Variants in SWT1 observed in about 807,000 individuals in gnomAD.
The protein encoded by SWT1 is SWT1 RNA endoribonuclease homolog, also known as transcriptional protein SWT1.
SWT1 carries 33 observed loss-of-function variants against 107.3 expected under a neutral mutation model. The observed-to-expected ratio is 0.31, with a 90% CI of 0.23 to 0.41. The LOEUF (loss-of-function observed/expected upper bound fraction) is 0.41. Ranked by LOEUF, SWT1 falls within the 10% of genes least tolerant of loss-of-function variation. The pLI, the probability that SWT1 is intolerant of heterozygous loss-of-function variation, is 1.00. For synonymous variants in SWT1, 345 were observed against 348.3 expected (o/e 0.99, Z 0.11); for missense variants, 898 against 1,028.9 (o/e 0.87, Z 1.74).
intron 10 of SWT1, among the ~76,000 whole-genome samples, chr1:185,192,987 T>C (rs755996634): frequency 5.3e-5 from 8 of 152,168 alleles, no homozygotes; most frequent in Non-Finnish European, 1.2e-4. Flanking sequence ...CTTTCTTTCT[T>C]GTTTCTTAAG....
chr1:185,210,686 G>A (rs1162148975), intron 13 of SWT1, among the ~76,000 whole-genome samples: 1 of 152,178 alleles, frequency 6.6e-6, no homozygotes, highest in Non-Finnish European at 1.5e-5. Context: ...AGTATTGGAA[G>A]TTCTGGCCCG....
At chr1:185,201,684 C>A (rs1265365927) in intron 10 of SWT1, among the ~76,000 whole-genome samples, 1 of 152,192 alleles carries the variant, frequency 6.6e-6, no homozygotes, top group Non-Finnish European at 1.5e-5. Context: ...CAGACTGGAG[C>A]TGTTCCTATT....
At position 185,202,455 on chromosome 1, in the gene SWT1, T is replaced by TTATA. The variant is rs200527836; in HGVS notation, c.1524-186_1524-183dup. 2.5e-4 allele frequency among the ~76,000 whole-genome samples: 37 copies of TTATA among 150,618 alleles called. 1 individual carries two copies. The East Asian group carries it at 6.0e-3, about 25-fold the overall frequency. ...AGTTTGTTGTGAGGATTAAATAGAT[T>TTATA]TATATATATATATATAAAGCACTTT... On this transcript the variant is annotated intron_variant, in intron 10 of 18. Coordinates refer to ENST00000367500, the MANE Select transcript of SWT1 (RefSeq NM_017673.7).
chr1:185,179,139 C>T (rs1044890242), intron 5 of SWT1, among the ~76,000 whole-genome samples: 2 of 151,912 alleles, frequency 1.3e-5, no homozygotes, highest in South Asian at 2.1e-4. Context: ...GGTATGGTGG[C>T]GGGCCTGTAG....
At chr1:185,182,135 ATT>A in intron 7 of SWT1, 78 bp downstream of exon 7, 2 of 1,409,176 alleles carry the variant, frequency 1.4e-6, no homozygotes, top group East Asian at 2.4e-5. Flanking sequence ...TTTTTATAAT[ATT>A]TAGATGAAAA....
At chr1:185,226,914 T>C in intron 15 of SWT1, 2 of 1,228,164 alleles carry the variant, frequency 1.6e-6, no homozygotes, top group Non-Finnish European at 2.3e-6. Context: ...CCTCTTCTTT[T>C]TAACTTCTTT....
chr1:185,271,299 C>CT, intron 16 of SWT1, 24 bp from the exon 17 acceptor site: 1 of 1,306,830 alleles, frequency 7.7e-7, no homozygotes, highest in South Asian at 1.2e-5. Context: ...TATTCCCCCC[C>CT]TTTGTTTTTA....
At chr1:185,244,376 T>C (rs1199046677) in intron 16 of SWT1, among the ~76,000 whole-genome samples, 1 of 152,184 alleles carries the variant, frequency 6.6e-6, no homozygotes, top group African/African-American at 2.4e-5. Context: ...ATTACAAACC[T>C]GTATGGCATG....
At chr1:185,239,611 A>C (rs1661124057) in intron 16 of SWT1, among the ~76,000 whole-genome samples, 1 of 152,176 alleles carries the variant, frequency 6.6e-6, no homozygotes, top group East Asian at 1.9e-4. Context: ...TTCTCTCCTC[A>C]TCTTTTCTTT....
At chr1:185,169,781 T>C (rs1050314721) in intron 4 of SWT1, among the ~76,000 whole-genome samples, 20 of 138,852 alleles carry the variant, frequency 1.4e-4, no homozygotes, top group Admixed American at 7.2e-5. Context: ...CCAGGATTAA[T>C]TTTTTTTTTT....
intron 10 of SWT1, among the ~76,000 whole-genome samples, chr1:185,200,079 T>C (rs1015305931): frequency 6.6e-6 from 1 of 152,130 alleles, no homozygotes; most frequent in Non-Finnish European, 1.5e-5. Flanking sequence ...TCTCGTGCTG[T>C]TTTTTTCAGC....
At chr1:185,183,205 A>G (rs925375879) in intron 7 of SWT1, among the ~76,000 whole-genome samples, 7 of 151,140 alleles carry the variant, frequency 4.6e-5, no homozygotes, top group African/African-American at 1.7e-4. Context: ...GTGTTTTCCT[A>G]TGTATTATCT....
intron 10 of SWT1, among the ~76,000 whole-genome samples, chr1:185,195,508 G>A (rs1571470443): frequency 6.6e-6 from 1 of 152,244 alleles, no homozygotes. Flanking sequence ...CTTTGGGTAT[G>A]TACCCAGTAA....
At chr1:185,186,423 CA>C (rs1213088106) in intron 9 of SWT1, among the ~76,000 whole-genome samples, 3 of 151,548 alleles carry the variant, frequency 2.0e-5, no homozygotes, top group Non-Finnish European at 2.9e-5. Flanking sequence ...GAAATGTATC[CA>C]AAAAAAGTGA....
chr1:185,287,280 T>A (rs1337341298), intron 18 of SWT1, among the ~76,000 whole-genome samples: 3 of 152,226 alleles, frequency 2.0e-5, no homozygotes, highest in African/African-American at 7.2e-5. Context: ...ACCCGAGATT[T>A]GGTCAAAGCA....
intron 17 of SWT1, among the ~76,000 whole-genome samples, chr1:185,271,864 A>C (rs1220512207): frequency 2.0e-5 from 3 of 152,132 alleles, no homozygotes; most frequent in African/African-American, 7.2e-5. Flanking sequence ...TGACATATTC[A>C]ATTTTTTCTT....
At chr1:185,286,287 G>C (rs968332108) in intron 18 of SWT1, among the ~76,000 whole-genome samples, 4 of 152,092 alleles carry the variant, frequency 2.6e-5, no homozygotes, top group Non-Finnish European at 4.4e-5. Context: ...GCAGTGGCGC[G>C]ATCTCGGCTC....
chr1:185,221,953 G>A lies in SWT1; in HGVS notation c.2226G>A (p.Ser742=), dbSNP rs1156986096. The A allele has an allele frequency of 3.1e-6, 5 of 1,612,500 alleles. No individual in the cohort carries two copies. The Admixed American group carries it at 6.7e-5, about 22-fold the overall frequency. ...NSHNQEITVF[S]SSHLPQPSRH... is the part of the protein sequence containing the mutation. ...ATAATCAAGAAATCACTGTTTTCTCGAGTTCTCATCTTCCCCAACCCAGCA... is the reference window on the plus strand; with the variant it reads ...ATAATCAAGAAATCACTGTTTTCTCAAGTTCTCATCTTCCCCAACCCAGCA... The change falls in exon 15 of 19, where the codon TCG becomes TCA. Residue 742 remains serine, a synonymous_variant. Transcript: ENST00000367500.
At chr1:185,185,288 T>G (rs770692941) in intron 9 of SWT1, among the ~76,000 whole-genome samples, 1 of 152,204 alleles carries the variant, frequency 6.6e-6, no homozygotes, top group African/African-American at 2.4e-5. Context: ...ATGCAGTTAA[T>G]GTACTGTGGA....
Sources: allele counts gnomAD v4.1 joint callset (sites outside exome capture counted in the v4.1 genomes callset), GRCh38; gene constraint gnomAD v4.1.1; transcripts MANE v1.5; gene names NCBI Gene and HGNC (gene_info 2026-07-23, HGNC 2026-07-21).